Variants in MAMLD1 observed in about 807,000 individuals in gnomAD.
MAMLD1 encodes the protein mastermind like domain containing 1, also known as mastermind-like domain-containing protein 1.
In MAMLD1, 14 loss-of-function variants were observed where a neutral mutation model predicts 45.0. The observed-to-expected ratio is 0.31, with a 90% CI of 0.21 to 0.49. The LOEUF (loss-of-function observed/expected upper bound fraction) is 0.49, where lower values mean the gene tolerates loss of function less well. MAMLD1 is among the 20% of genes least tolerant of loss of function. MAMLD1 has a pLI of 0.99. For synonymous variants in MAMLD1, 254 were observed against 247.8 expected (o/e 1.02, Z -0.24); for missense variants, 543 against 603.6 (o/e 0.90, Z 1.05).
intron 2 of MAMLD1, among the ~76,000 whole-genome samples, chrX:150,460,436 T>G (rs1312903693): frequency 2.7e-5 from 3 of 112,254 alleles, no homozygotes; most frequent in African/African-American, 9.7e-5. Context: ...TCACCTCAAG[T>G]CATATCAATT....
intron 1 of MAMLD1, among the ~76,000 whole-genome samples, chrX:150,367,734 G>C (rs5925516): frequency 1.1e-5 from 1 of 93,768 alleles, no homozygotes; most frequent in Non-Finnish European, 2.1e-5. Context: ...GACAGGCCCC[G>C]GTGTGTGATG....
intron 7 of MAMLD1, among the ~76,000 whole-genome samples, 171 bp downstream of exon 7, chrX:150,510,217 A>G (rs1255913478): frequency 2.7e-5 from 3 of 112,185 alleles, no homozygotes; most frequent in Non-Finnish European, 5.6e-5. Context: ...CAGGATCCCA[A>G]TTGAAGGCCT....
Position 150,428,386 on chromosome X carries a change from G to A in MAMLD1, c.-63-17068G>A, listed in dbSNP as rs188834613. On this transcript the variant is annotated intron_variant, in intron 1 of 7. Coordinates refer to ENST00000370401, the MANE Select transcript of MAMLD1 (RefSeq NM_005491.5). Reference sequence around the variant, plus strand: ...ATGTAATATAAAATCGAAAGTTGAAGACCCACAGATTTATTTGACTAAACT... The same window carrying A: ...ATGTAATATAAAATCGAAAGTTGAAAACCCACAGATTTATTTGACTAAACT... 3.4e-3 allele frequency among the ~76,000 whole-genome samples: 379 copies of A among 112,723 alleles called. 1 individual carries two copies. The highest frequency in any genetic ancestry group is 5.5e-3 in the Non-Finnish European group (293 of 53,324).
chrX:150,510,064 G>C lies in MAMLD1; in HGVS notation c.*44+18G>C. 8.8e-7 allele frequency: 1 copy of C among 1,133,381 alleles called. No individual in the cohort carries two copies. The highest frequency in any genetic ancestry group is 1.8e-5 in the South Asian group (1 of 54,562). 93.4% of individuals were successfully genotyped at this position (1,133,381 alleles called of 1,213,427 possible). ...ATTTGAAGGTAAGCAGTTAAGGCCA[G>C]TGTTCCCAAAGGGGTGGGCAAGGGG... is the stretch of plus-strand genomic sequence containing the variant. On this transcript the variant is annotated intron_variant, in intron 7 of 7. Coordinates refer to ENST00000370401, the MANE Select transcript of MAMLD1 (RefSeq NM_005491.5).
At chrX:150,459,968 A>G (rs2035984733) in intron 2 of MAMLD1, among the ~76,000 whole-genome samples, 1 of 112,013 alleles carries the variant, frequency 8.9e-6, no homozygotes, top group African/African-American at 3.2e-5. Flanking sequence ...TGATTCCCTG[A>G]TAAACCTCTA....
intron 5 of MAMLD1, among the ~76,000 whole-genome samples, chrX:150,476,414 A>G (rs2036583238): frequency 8.9e-6 from 1 of 112,381 alleles, no homozygotes; most frequent in African/African-American, 3.2e-5. Flanking sequence ...CAGATCTTAC[A>G]TTTACTCAAA....
intron 1 of MAMLD1, among the ~76,000 whole-genome samples, chrX:150,417,861 G>GT (rs1158426553): frequency 9.1e-6 from 1 of 110,284 alleles, no homozygotes. Context: ...GGGGTTGTTT[G>GT]TTTTTTTCTT....
intron 1 of MAMLD1, among the ~76,000 whole-genome samples, chrX:150,439,700 T>A (rs1454164501): frequency 8.9e-6 from 1 of 111,892 alleles, no homozygotes; most frequent in African/African-American, 3.3e-5. Flanking sequence ...TTTGGGAGGC[T>A]GAGGCTAGCG....
intron 1 of MAMLD1, among the ~76,000 whole-genome samples, chrX:150,368,454 T>G (rs782423271): frequency 1.6e-4 from 18 of 110,422 alleles, no homozygotes; most frequent in Admixed American, 1.1e-3. Flanking sequence ...GTAGATTCTG[T>G]ATATTAGCCC....
chrX:150,471,751 C>T (rs1557406582), intron 4 of MAMLD1, among the ~76,000 whole-genome samples: 2 of 112,009 alleles, frequency 1.8e-5, no homozygotes, highest in African/African-American at 3.3e-5. Context: ...AAGGTGCTCC[C>T]GGTGGAAGGA....
intron 5 of MAMLD1, among the ~76,000 whole-genome samples, chrX:150,485,052 C>T (rs1557407531): frequency 9.0e-6 from 1 of 111,323 alleles, no homozygotes; most frequent in African/African-American, 3.3e-5. Flanking sequence ...CTAAACTGAT[C>T]AAATGCTCCA....
chrX:150,363,860 G>A (rs1302231814), intron 1 of MAMLD1, among the ~76,000 whole-genome samples: 1 of 112,797 alleles, frequency 8.9e-6, no homozygotes, highest in East Asian at 2.8e-4. Context: ...GGGCTACGCT[G>A]GGCTACTGGG....
intron 1 of MAMLD1, among the ~76,000 whole-genome samples, chrX:150,387,210 T>C (rs1465821961): frequency 9.0e-6 from 1 of 111,473 alleles, no homozygotes; most frequent in Non-Finnish European, 1.9e-5. Context: ...ATCACATATT[T>C]TGGTAAAATT....
In MAMLD1 at chrX:150,470,304, G is replaced by A; in HGVS notation, c.731G>A (p.Ser244Asn). Residue 244 changes from serine to asparagine, a missense_variant, in exon 4 of 8, where the codon AGC becomes AAC. Transcript: ENST00000370401. ...AGCAAGGAGTTTGCTTCTAGTTGCA[G>A]CCAAGTTACTGGCATGTCACTTCAG... The part of the protein sequence containing the change: ...ASSKEFASSC[S>N]QVTGMSLQIP... The A allele has an allele frequency of 8.3e-7, 1 of 1,208,364 alleles. No individual in the cohort carries two copies. The highest frequency in any genetic ancestry group is 1.1e-6 in the Non-Finnish European group (1 of 893,196).
intron 1 of MAMLD1, 57 bp from the exon 2 acceptor site, chrX:150,445,397 G>C: frequency 1.9e-6 from 1 of 527,574 alleles, no homozygotes; most frequent in Non-Finnish European, 3.4e-6. Flanking sequence ...TGTGATTCAC[G>C]GGGTCAGTGG....
chrX:150,390,919 G>A (rs1557402152), intron 1 of MAMLD1, among the ~76,000 whole-genome samples: 1 of 111,673 alleles, frequency 9.0e-6, no homozygotes, highest in East Asian at 2.8e-4. Context: ...ATTATTGAAG[G>A]ATATTTTTGC....
chrX:150,452,938 A>T (rs1475578314), intron 2 of MAMLD1, among the ~76,000 whole-genome samples: 1 of 111,050 alleles, frequency 9.0e-6, no homozygotes, highest in African/African-American at 3.3e-5. Flanking sequence ...GAAGCTTCGG[A>T]GCACCTGAGA....
chrX:150,454,801 T>G (rs782738063), intron 2 of MAMLD1, among the ~76,000 whole-genome samples: 1 of 110,005 alleles, frequency 9.1e-6, no homozygotes, highest in African/African-American at 3.3e-5. Context: ...ACCCTTTAAA[T>G]CAACACCATT....
At chrX:150,395,712 G>C (rs1358822187) in intron 1 of MAMLD1, among the ~76,000 whole-genome samples, 2 of 110,841 alleles carry the variant, frequency 1.8e-5, no homozygotes, top group Non-Finnish European at 3.8e-5. Flanking sequence ...TATCAAACTG[G>C]TGAGCCTAGG....
Sources: gnomAD v4.1 joint callset for allele counts (sites outside exome capture counted in the v4.1 genomes callset) on GRCh38, gnomAD v4.1.1 for gene constraint, MANE v1.5 for transcripts, NCBI Gene and HGNC (gene_info 2026-07-23, HGNC 2026-07-21) for gene names.